The following TGFBRAP1 variants were observed in gnomAD, a reference collection of about 807,000 sequenced individuals.
The protein encoded by TGFBRAP1 is transforming growth factor beta receptor associated protein 1.
Under a neutral mutation model 83.2 loss-of-function variants are expected in TGFBRAP1, and 20 were observed. The ratio of observed to expected loss-of-function variants is 0.24; its 90% CI spans 0.17 to 0.35. The LOEUF is 0.35. Ranked by LOEUF, TGFBRAP1 falls within the 10% of genes least tolerant of loss-of-function variation. The pLI, the probability that TGFBRAP1 is intolerant of heterozygous loss-of-function variation, is 1.00. For missense variants in TGFBRAP1, 950 were observed against 1,099.4 expected, an observed-to-expected ratio of 0.86 and a Z score of 1.92; for synonymous variants, 415 against 459.8, an observed-to-expected ratio of 0.90 and a Z score of 1.25.
intron 6 of TGFBRAP1, 118 bp downstream of exon 6, chr2:105,280,264 T>TA (rs1553402457): frequency 4.6e-6 from 5 of 1,077,384 alleles, no homozygotes; most frequent in Non-Finnish European, 6.6e-6. Context: ...CACCTATAGG[T>TA]ACTTGGGAAC....
chr2:105,296,373 G>A lies in TGFBRAP1; in HGVS notation c.1021C>T (p.Pro341Ser), dbSNP rs780368094. 4.3e-6 allele frequency: 7 copies of A among 1,613,256 alleles called. No individual in the cohort carries two copies. The highest frequency in any genetic ancestry group is 2.2e-5 in the South Asian group (2 of 90,902). ...VLAKGARRNIPKEKFQVMYRR... is the reference protein window; with the variant it reads ...VLAKGARRNISKEKFQVMYRR... ...TTACAAACCTGAAATTTTTCCTTTG[G>A]AATGTTCCTCCGGGCTCCTTTTGCT... The change falls in exon 4 of 12, where the codon CCA becomes TCA. Residue 341 changes from proline (P) to serine (S), a missense_variant. Pro to Ser is a moderately conservative substitution (Grantham distance 74). Transcript: ENST00000393359.
intron 10 of TGFBRAP1, among the ~76,000 whole-genome samples, chr2:105,272,001 C>T (rs563350689): frequency 1.3e-5 from 2 of 152,240 alleles, no homozygotes; most frequent in African/African-American, 4.8e-5. Context: ...TGCTGCCTAG[C>T]GCTCCTAAGC....
chr2:105,262,790 T>C (rs1216684757), downstream of TGFBRAP1, among the ~76,000 whole-genome samples: 1 of 152,216 alleles, frequency 6.6e-6, no homozygotes, highest in Non-Finnish European at 1.5e-5. Context: ...TAGCTATTTG[T>C]TTCCCTCCCC....
At chr2:105,320,567 A>G (rs1679027342) in intron 1 of TGFBRAP1, among the ~76,000 whole-genome samples, 1 of 152,202 alleles carries the variant, frequency 6.6e-6, no homozygotes, top group Non-Finnish European at 1.5e-5. Flanking sequence ...ACATACCAGA[A>G]GGTAGTTCCC....
chr2:105,323,219 A>G (rs920942633), intron 1 of TGFBRAP1, among the ~76,000 whole-genome samples: 2 of 152,018 alleles, frequency 1.3e-5, no homozygotes, highest in South Asian at 2.1e-4. Context: ...TGACGCCTGG[A>G]TGAGGAGGGA....
chr2:105,296,756 CTTTTTTTTTTTTTTT>C (rs60031957), intron 3 of TGFBRAP1, among the ~76,000 whole-genome samples: 7 of 73,226 alleles, frequency 9.6e-5, no homozygotes, highest in Non-Finnish European at 1.5e-4. Flanking sequence ...CTTTTTTTGC[CTTTTTTTTTTTTTTT>C]TTTTTTTTTT....
In TGFBRAP1 at chr2:105,269,323, C is replaced by G. The variant is rs1677061480; in HGVS notation, c.2355G>C (p.Gln785His). 3 of 1,613,548 alleles carry G rather than the reference C, an allele frequency of 1.9e-6. No individual in the cohort carries two copies. In the South Asian group the frequency reaches 3.3e-5, roughly 18 times the overall value. Residue 785 changes from glutamine (Q) to histidine (H), a missense_variant, in exon 11 of 12, where the codon CAG becomes CAC. Physicochemically the swap from Gln to His is conservative, Grantham distance 24 (BLOSUM62 0). Coordinates refer to ENST00000393359, the MANE Select transcript of TGFBRAP1 (RefSeq NM_004257.6). The surrounding 1 kb of genome is among the most constrained non-coding windows in gnomAD (Gnocchi z 4.1). ...CGGACCTGGCCAGGCCGAGAGCCACCTGCATGGTCCTCCTGGCATGGATGC... is the reference window on the plus strand; with the variant it reads ...CGGACCTGGCCAGGCCGAGAGCCACGTGCATGGTCCTCCTGGCATGGATGC... ...RDSIHARRTM[Q>H]VALGLARSEN... is the part of the protein sequence containing the mutation.
intron 3 of TGFBRAP1, 122 bp downstream of exon 3, chr2:105,298,389 A>G: frequency 9.8e-7 from 1 of 1,025,340 alleles, no homozygotes; most frequent in Non-Finnish European, 1.4e-6. Context: ...CAGAGACTGT[A>G]TTGGAGTCAT....
Position 105,307,908 on chromosome 2 carries a change from C to A in TGFBRAP1, c.394G>T (p.Asp132Tyr). 1.2e-6 allele frequency: 2 copies of A among 1,614,198 alleles called. No individual in the cohort carries two copies. Among genetic ancestry groups the A allele is most frequent in the Admixed American group, 3.3e-5 (2 of 60,020 alleles). The change falls in exon 2 of 12, where the codon GAC (aspartate) becomes TAC (tyrosine). Residue 132 changes from aspartate to tyrosine, a missense_variant. Coordinates refer to ENST00000393359, the MANE Select transcript of TGFBRAP1 (RefSeq NM_004257.6). Reference protein sequence around the residue: ...FALNENPVSGDPFCVEVCIIS... With the variant: ...FALNENPVSGYPFCVEVCIIS... ...ATGCAAACTTCTACACAGAAGGGGT[C>A]CCCACTCACAGGGTTCTCGTTCAGT...
downstream of TGFBRAP1, among the ~76,000 whole-genome samples, chr2:105,260,254 C>G (rs1676757997): frequency 6.6e-6 from 1 of 151,990 alleles, no homozygotes; most frequent in African/African-American, 2.4e-5. Flanking sequence ...ACCACAAATA[C>G]AAAAAATTAG....
chr2:105,266,117 G>GT lies in TGFBRAP1; in HGVS notation c.*1265dup. ...ACAACAGCTTCAGCTCGTCATCGAT[G>GT]TTATACAGAAACACAAAAGGAATCC... On this transcript the variant is annotated 3_prime_UTR_variant, in exon 12 of 12. Coordinates refer to ENST00000393359, the MANE Select transcript of TGFBRAP1 (RefSeq NM_004257.6). 6.6e-6 allele frequency: 1 copy of GT among 152,296 alleles called. No individual in the cohort carries two copies. The highest frequency in any genetic ancestry group is 1.5e-5 in the Non-Finnish European group (1 of 68,066). The allele number at this position is 152,296 out of a possible 1,614,324, so 9.4% of individuals were successfully genotyped here.
chr2:105,257,222 C>A, the TGFBRAP1 span, among the ~76,000 whole-genome samples: 1 of 152,058 alleles, frequency 6.6e-6, no homozygotes, highest in African/African-American at 2.4e-5. Context: ...GATCCGGACC[C>A]CTTTCTGGTA....
downstream of TGFBRAP1, among the ~76,000 whole-genome samples, chr2:105,262,932 T>C (rs1676824256): frequency 6.6e-6 from 1 of 152,242 alleles, no homozygotes. Flanking sequence ...CCATATGGTC[T>C]AGATTCTTGT....
intron 8 of TGFBRAP1, among the ~76,000 whole-genome samples, chr2:105,274,639 T>C (rs1162303626): frequency 2.6e-5 from 4 of 152,024 alleles, no homozygotes; most frequent in Non-Finnish European, 2.9e-5. Flanking sequence ...ATGTTGTAGG[T>C]GTGTGTGAGC....
chr2:105,302,024 A>AAAG (rs1678313939), intron 2 of TGFBRAP1, among the ~76,000 whole-genome samples: 2 of 151,936 alleles, frequency 1.3e-5, no homozygotes, highest in African/African-American at 4.8e-5. Context: ...AAAAAAAAAA[A>AAAG]AAAAAGGCCT....
At chr2:105,322,361 A>G (rs1357293544) in intron 1 of TGFBRAP1, among the ~76,000 whole-genome samples, 1 of 152,190 alleles carries the variant, frequency 6.6e-6, no homozygotes, top group African/African-American at 2.4e-5. Flanking sequence ...TTTAGAATAA[A>G]TTTAGTGTAG....
At chr2:105,321,308 A>G (rs955446161) in intron 1 of TGFBRAP1, among the ~76,000 whole-genome samples, 1 of 152,006 alleles carries the variant, frequency 6.6e-6, no homozygotes, top group African/African-American at 2.4e-5. Flanking sequence ...CTGTGATTAC[A>G]GGCAGCCGCC....
chr2:105,317,743 T>C (rs1678929489), intron 1 of TGFBRAP1, among the ~76,000 whole-genome samples: 2 of 152,264 alleles, frequency 1.3e-5, no homozygotes, highest in South Asian at 4.1e-4. Context: ...ACTGACATCA[T>C]GTATCTGACT....
In TGFBRAP1 at chr2:105,307,500, C is replaced by T. The variant is rs1434611950; in HGVS notation, c.688+114G>A. On this transcript the variant is annotated intron_variant, in intron 2 of 11. Transcript: ENST00000393359. Reference sequence around the variant, plus strand: ...ACTGCTACCTCTGTCTTGCCACACACGCCCAATGTCACTGAGGATTTATTC... The same window carrying T: ...ACTGCTACCTCTGTCTTGCCACACATGCCCAATGTCACTGAGGATTTATTC... The T allele has an allele frequency of 2.5e-5, 28 of 1,138,824 alleles. 2 individuals are homozygous for T. Among genetic ancestry groups the T allele is most frequent in the Middle Eastern group, 3.0e-4 (1 of 3,316 alleles). The allele number at this position is 1,138,824 out of a possible 1,614,324, so 70.5% of individuals were successfully genotyped here.
Sources: allele counts gnomAD v4.1 joint callset (sites outside exome capture counted in the v4.1 genomes callset), GRCh38; gene constraint gnomAD v4.1.1; non-coding constraint Gnocchi (gnomAD v3.1); transcripts MANE v1.5; gene names NCBI Gene and HGNC (gene_info 2026-07-23, HGNC 2026-07-21).